MYT1L: variants seen among roughly 807,000 people sequenced by gnomAD.
MYT1L encodes myelin transcription factor 1-like protein.
In MYT1L, 12 loss-of-function variants were observed where a neutral mutation model predicts 126.7. The observed-to-expected ratio is 0.09, with a 90% CI of 0.06 to 0.15. The LOEUF is 0.15. MYT1L is among the 10% of genes least tolerant of loss of function. The pLI is 1.00. For missense variants in MYT1L, 979 were observed against 1,585.2 expected, an observed-to-expected ratio of 0.62 and a Z score of 6.49; for synonymous variants, 541 against 604.2, an observed-to-expected ratio of 0.90 and a Z score of 1.53.
chr2:2,019,909 A>T (rs911821986), intron 4 of MYT1L, among the ~76,000 whole-genome samples: 17 of 152,144 alleles, frequency 1.1e-4, no homozygotes, highest in Admixed American at 1.1e-3. Context: ...GCAGTAGCAG[A>T]TCTCAGCTCG....
At chr2:2,253,374 T>A (rs890282499) in intron 2 of MYT1L, among the ~76,000 whole-genome samples, 1 of 152,176 alleles carries the variant, frequency 6.6e-6, no homozygotes, top group African/African-American at 2.4e-5. Flanking sequence ...TTTGGCTGAG[T>A]CAGCATATGA....
chr2:1,918,590 T>G (rs1257842271), intron 10 of MYT1L, among the ~76,000 whole-genome samples: 1 of 152,212 alleles, frequency 6.6e-6, no homozygotes, highest in African/African-American at 2.4e-5. Flanking sequence ...GAACTTCAAA[T>G]AGACAAAGGA....
chr2:2,020,651 C>T (rs1337562066), intron 4 of MYT1L, among the ~76,000 whole-genome samples: 1 of 152,204 alleles, frequency 6.6e-6, no homozygotes, highest in Non-Finnish European at 1.5e-5. Flanking sequence ...CAGTTTACTG[C>T]TGGTCTTTTG....
chr2:2,192,727 A>T (rs1209136935), intron 2 of MYT1L, among the ~76,000 whole-genome samples: 1 of 152,010 alleles, frequency 6.6e-6, no homozygotes, highest in Admixed American at 6.6e-5. Context: ...GTGAAGGAGG[A>T]GCTACCCTCT....
chr2:2,154,121 C>A (rs1365408524), intron 3 of MYT1L, among the ~76,000 whole-genome samples: 1 of 152,146 alleles, frequency 6.6e-6, no homozygotes, highest in Non-Finnish European at 1.5e-5. Context: ...GGTGACACTT[C>A]CGCCTGAGGT....
intron 23 of MYT1L, among the ~76,000 whole-genome samples, chr2:1,799,437 C>G (rs998829749): frequency 2.0e-5 from 3 of 152,194 alleles, no homozygotes; most frequent in Non-Finnish European, 4.4e-5. Flanking sequence ...GAGCCCCAGC[C>G]CCAGTACTTC....
At chr2:1,829,758 C>T (rs367833982) in intron 21 of MYT1L, among the ~76,000 whole-genome samples, 29 of 88,400 alleles carry the variant, frequency 3.3e-4, no homozygotes, top group African/African-American at 1.1e-3. Flanking sequence ...TGAATTGACC[C>T]TCCCATACAC....
At chr2:2,229,509 A>G (rs544918460) in intron 2 of MYT1L, among the ~76,000 whole-genome samples, 2 of 152,102 alleles carry the variant, frequency 1.3e-5, no homozygotes, top group South Asian at 2.1e-4. Flanking sequence ...TGGTGTGATC[A>G]TGGCTCACTG....
chr2:1,934,210 G>A lies in MYT1L; in HGVS notation c.505+8772C>T, dbSNP rs368752852. On this transcript the variant is annotated intron_variant, in intron 9 of 24. Coordinates refer to ENST00000647738, the MANE Select transcript of MYT1L (RefSeq NM_001303052.2). ...AGGATGGTCTCGATCTCCTGACCTC[G>A]TGATCCTCCCGCCTTGGCCTCCAAA... is the stretch of plus-strand genomic sequence containing the variant. Among the ~76,000 whole-genome samples the A allele has an allele frequency of 1.5e-3, 226 of 150,908 alleles. 3 individuals carry two copies. In the East Asian group the frequency reaches 0.03, roughly 20 times the overall value.
chr2:2,255,188 C>T (rs1009399682), intron 2 of MYT1L, among the ~76,000 whole-genome samples: 2 of 152,112 alleles, frequency 1.3e-5, no homozygotes, highest in African/African-American at 2.4e-5. Context: ...CTTTCTCCAC[C>T]GAACACCATT....
At chr2:2,314,146 C>T (rs1261717561) in intron 1 of MYT1L, among the ~76,000 whole-genome samples, 1 of 152,124 alleles carries the variant, frequency 6.6e-6, no homozygotes, top group Non-Finnish European at 1.5e-5. Context: ...AACCAATAAA[C>T]TTCTGGACTG....
chr2:2,248,329 T>C (rs556708791), intron 2 of MYT1L, among the ~76,000 whole-genome samples: 17 of 151,950 alleles, frequency 1.1e-4, no homozygotes, highest in Non-Finnish European at 1.6e-4. Context: ...GATTGAACCA[T>C]GAAGAAATAA....
chr2:1,927,811 A>T (rs1037554095), intron 9 of MYT1L, among the ~76,000 whole-genome samples: 1 of 152,376 alleles, frequency 6.6e-6, no homozygotes, highest in South Asian at 2.1e-4. Context: ...GTTTTGTTAC[A>T]TAAATAAATC....
At chr2:1,944,161 G>T (rs1210879666) in intron 8 of MYT1L, among the ~76,000 whole-genome samples, 1 of 151,900 alleles carries the variant, frequency 6.6e-6, no homozygotes, top group African/African-American at 2.4e-5. Context: ...ATGCAGGTTT[G>T]TTACATATGT....
intron 4 of MYT1L, among the ~76,000 whole-genome samples, chr2:2,025,315 A>G (rs2065428369): frequency 6.6e-6 from 1 of 152,114 alleles, no homozygotes; most frequent in Non-Finnish European, 1.5e-5. Context: ...AGTTACACAT[A>G]GCCTCCTGGT....
chr2:2,101,235 C>G (rs889925901), intron 3 of MYT1L, among the ~76,000 whole-genome samples: 1 of 151,720 alleles, frequency 6.6e-6, no homozygotes, highest in Non-Finnish European at 1.5e-5. Context: ...ATACTTTTTT[C>G]TCACCAATTG....
chr2:2,080,631 T>C (rs1057484061), intron 3 of MYT1L, among the ~76,000 whole-genome samples: 1 of 152,052 alleles, frequency 6.6e-6, no homozygotes, highest in African/African-American at 2.4e-5. Flanking sequence ...CCACAATAGA[T>C]ACCTCTTCAT....
chr2:1,859,012 T>C (rs2044250288), intron 18 of MYT1L, among the ~76,000 whole-genome samples: 1 of 152,150 alleles, frequency 6.6e-6, no homozygotes, highest in African/African-American at 2.4e-5. Context: ...GCAAGAGTGC[T>C]GCACACACAC....
At chr2:2,108,723 C>G (rs2150552269) in intron 3 of MYT1L, among the ~76,000 whole-genome samples, 1 of 152,332 alleles carries the variant, frequency 6.6e-6, no homozygotes, top group South Asian at 2.1e-4. Flanking sequence ...AGACTTCTCA[C>G]TGATGCTTAT....
Sources: gnomAD v4.1 joint callset for allele counts (sites outside exome capture counted in the v4.1 genomes callset) on GRCh38, gnomAD v4.1.1 for gene constraint, MANE v1.5 for transcripts, NCBI Gene and HGNC (gene_info 2026-07-23, HGNC 2026-07-21) for gene names.